AGBL4: variants seen among roughly 807,000 people sequenced by gnomAD.
AGBL4 encodes cytosolic carboxypeptidase 6.
AGBL4 carries 58 observed loss-of-function variants against 66.4 expected under a neutral mutation model. The observed-to-expected ratio is 0.87, with a 90% CI of 0.71 to 1.09. The LOEUF is 1.09. AGBL4 is among the 50% of genes least tolerant of loss of function. AGBL4 has a pLI of 0.00. For synonymous variants in AGBL4, 234 were observed against 222.9 expected, an observed-to-expected ratio of 1.05 and a Z score of -0.44; for missense variants, 579 against 631.0, an observed-to-expected ratio of 0.92 and a Z score of 0.88.
chr1:48,786,845 G>T lies in AGBL4; in HGVS notation c.634+80346C>A, dbSNP rs542860819. Among the ~76,000 whole-genome samples, 6 of 152,228 alleles carry T rather than the reference G, an allele frequency of 3.9e-5. 1 individual carries two copies. In the South Asian group the frequency reaches 1.2e-3, roughly 32 times the overall value. On this transcript the variant is annotated intron_variant, in intron 6 of 13. Coordinates refer to ENST00000371839, the MANE Select transcript of AGBL4 (RefSeq NM_032785.4). ...AGACAACTGGATAGCCCCAGTCAGA[G>T]ATATCTCTGTGAAAAATGTCAGCCT...
chr1:49,905,637 G>C (rs1177865772), intron 1 of AGBL4, among the ~76,000 whole-genome samples: 1 of 152,060 alleles, frequency 6.6e-6, no homozygotes, highest in Non-Finnish European at 1.5e-5. Context: ...TTGGCTATTC[G>C]CTGTGATTAA....
chr1:49,448,101 C>T (rs1262679684), intron 3 of AGBL4, among the ~76,000 whole-genome samples: 1 of 152,048 alleles, frequency 6.6e-6, no homozygotes, highest in African/African-American at 2.4e-5. Context: ...AGGCCAGTTC[C>T]AGAAGAAAAC....
chr1:48,534,809 C>T, intron 13 of AGBL4, 81 bp downstream of exon 13: 1 of 1,399,300 alleles, frequency 7.1e-7, no homozygotes, highest in Non-Finnish European at 9.8e-7. Flanking sequence ...AACAAGGCTG[C>T]CAGAATAGGT....
chr1:49,799,662 G>A (rs1330025377), intron 2 of AGBL4, among the ~76,000 whole-genome samples: 1 of 151,970 alleles, frequency 6.6e-6, no homozygotes, highest in Admixed American at 6.6e-5. Context: ...AAGTGAAAGG[G>A]CATCTTGATG....
intron 6 of AGBL4, among the ~76,000 whole-genome samples, chr1:48,750,419 C>G (rs1036444339): frequency 2.6e-5 from 4 of 152,170 alleles, no homozygotes; most frequent in Non-Finnish European, 5.9e-5. Context: ...TTAGGCTCTC[C>G]TGTTGCCTGA....
chr1:49,340,050 A>G (rs1451314710), intron 3 of AGBL4, among the ~76,000 whole-genome samples: 1 of 152,198 alleles, frequency 6.6e-6, no homozygotes, highest in East Asian at 1.9e-4. Context: ...GAAATAATGC[A>G]TATCACTTCC....
At chr1:49,776,350 C>T (rs1644197081) in intron 2 of AGBL4, among the ~76,000 whole-genome samples, 1 of 152,080 alleles carries the variant, frequency 6.6e-6, no homozygotes, top group Non-Finnish European at 1.5e-5. Context: ...TAGCAGTAGC[C>T]AGAAATAACT....
At chr1:48,546,300 G>A (rs17373037) in intron 11 of AGBL4, among the ~76,000 whole-genome samples, 4 of 152,202 alleles carry the variant, frequency 2.6e-5, no homozygotes, top group East Asian at 1.9e-4. Flanking sequence ...TTCTAACAGC[G>A]TGCGTATGTT....
intron 5 of AGBL4, 79 bp downstream of exon 5, chr1:49,045,505 G>C (rs2149057089): frequency 8.1e-7 from 1 of 1,239,544 alleles, no homozygotes; most frequent in Non-Finnish European, 1.1e-6. Context: ...TATTTGCATT[G>C]CATAAAAACC....
chr1:49,960,702 A>C (rs572481975), intron 1 of AGBL4, among the ~76,000 whole-genome samples: 1 of 152,092 alleles, frequency 6.6e-6, no homozygotes, highest in Admixed American at 6.6e-5. Context: ...GCCAATTTAA[A>C]ATTTTTTATT....
chr1:49,245,707 T>G, intron 4 of AGBL4, 63 bp downstream of exon 4: 1 of 1,211,480 alleles, frequency 8.3e-7, no homozygotes, highest in East Asian at 2.5e-5. Context: ...TAGGTGTGTA[T>G]ATGTATGGGG....
At chr1:49,346,462 T>C (rs1645635364) in intron 3 of AGBL4, among the ~76,000 whole-genome samples, 1 of 152,232 alleles carries the variant, frequency 6.6e-6, no homozygotes, top group Admixed American at 6.5e-5. Flanking sequence ...AGCCTTCTTA[T>C]TCAGTTTACT....
rs556547494 is a variant in AGBL4, at chr1:49,035,731, T to G, written c.594+9853A>C. On this transcript the variant is annotated intron_variant, in intron 5 of 13. Transcript: ENST00000371839. The stretch of plus-strand genomic sequence containing the variant: ...TGATTGTCACCTGACACTCCTGGGG[T>G]GTGTGTGTGTGTGTGTGTAGGTGGG... 9.4e-4 allele frequency among the ~76,000 whole-genome samples: 141 copies of G among 149,610 alleles called. 1 individual carries two copies. The East Asian group carries it at 0.013, about 14-fold the overall frequency.
chr1:49,696,503 G>C (rs950270715), intron 3 of AGBL4, among the ~76,000 whole-genome samples: 2 of 152,032 alleles, frequency 1.3e-5, no homozygotes, highest in East Asian at 3.9e-4. Context: ...CTGAAATGAT[G>C]CCACAAATGG....
chr1:49,690,175 A>AT (rs1646860641), intron 3 of AGBL4, among the ~76,000 whole-genome samples: 1 of 152,172 alleles, frequency 6.6e-6, no homozygotes, highest in Non-Finnish European at 1.5e-5. Context: ...ATACACATTG[A>AT]TTTTAGACAT....
intron 1 of AGBL4, among the ~76,000 whole-genome samples, chr1:49,876,016 C>CTTGTAAATTTGTTTGAGTTCA (rs1646994090): frequency 6.9e-6 from 1 of 145,634 alleles, no homozygotes; most frequent in South Asian, 2.2e-4. Context: ...TTGTTTTTTC[C>CTTGTAAATTTGTTTGAGTTCA]TTGTAAATTT....
chr1:49,668,863 A>T (rs1646420604), intron 3 of AGBL4, among the ~76,000 whole-genome samples: 1 of 152,158 alleles, frequency 6.6e-6, no homozygotes, highest in Non-Finnish European at 1.5e-5. Context: ...CTTTTGTTAG[A>T]CACAGATATT....
intron 1 of AGBL4, among the ~76,000 whole-genome samples, chr1:49,906,995 C>G (rs1650342054): frequency 6.6e-6 from 1 of 152,052 alleles, no homozygotes; most frequent in Non-Finnish European, 1.5e-5. Context: ...ATATAAGTTT[C>G]TAATCCCTTT....
intron 5 of AGBL4, among the ~76,000 whole-genome samples, chr1:48,946,620 C>G (rs1418063976): frequency 6.6e-6 from 1 of 152,218 alleles, no homozygotes; most frequent in South Asian, 2.1e-4. Context: ...AGTTAGCTCA[C>G]TCTGTGTCGG....
Sources: gnomAD v4.1 joint callset for allele counts (sites outside exome capture counted in the v4.1 genomes callset) on GRCh38, gnomAD v4.1.1 for gene constraint, MANE v1.5 for transcripts, NCBI Gene and HGNC (gene_info 2026-07-23, HGNC 2026-07-21) for gene names.